The following NRXN3 variants were observed in gnomAD, a reference collection of about 807,000 sequenced individuals.
NRXN3 encodes neurexin 3.
NRXN3 carries 32 observed loss-of-function variants against 137.6 expected under a neutral mutation model. That is an observed-to-expected ratio of 0.23 (90% CI 0.18 to 0.31). The LOEUF (loss-of-function observed/expected upper bound fraction) is 0.31, where lower values mean the gene tolerates loss of function less well. Among genes scored for constraint, NRXN3 ranks in the 10% least tolerant of loss-of-function variants. NRXN3 has a pLI of 1.00. For synonymous variants in NRXN3, 798 were observed against 784.5 expected (o/e 1.02, Z -0.29); for missense variants, 1,574 against 2,062.5 (o/e 0.76, Z 4.59).
At chr14:78,413,340 C>T (rs2092941939) in intron 4 of NRXN3, among the ~76,000 whole-genome samples, 1 of 152,180 alleles carries the variant, frequency 6.6e-6, no homozygotes, top group Non-Finnish European at 1.5e-5. Flanking sequence ...GGCTGGAGTG[C>T]AATGGCATAA....
At chr14:78,522,078 G>A (rs917058497) in intron 4 of NRXN3, among the ~76,000 whole-genome samples, 6 of 152,106 alleles carry the variant, frequency 3.9e-5, no homozygotes, top group Admixed American at 3.9e-4. Context: ...TATCTGGCTG[G>A]TATGATTTAG....
At chr14:78,451,520 T>C (rs906675300) in intron 4 of NRXN3, among the ~76,000 whole-genome samples, 1 of 152,240 alleles carries the variant, frequency 6.6e-6, no homozygotes, top group African/African-American at 2.4e-5. Context: ...GGAACCAGGA[T>C]GGCCTAATCC....
intron 20 of NRXN3, among the ~76,000 whole-genome samples, chr14:79,857,481 C>G (rs1411071144): frequency 6.6e-6 from 1 of 152,118 alleles, no homozygotes; most frequent in East Asian, 1.9e-4. Flanking sequence ...CTCGGCCTCC[C>G]AAAGTGCTGG....
At chr14:79,219,072 C>A (rs2069046641) in intron 15 of NRXN3, among the ~76,000 whole-genome samples, 1 of 151,988 alleles carries the variant, frequency 6.6e-6, no homozygotes, top group African/African-American at 2.4e-5. Flanking sequence ...AAAATAAGGT[C>A]TATTTTTTAA....
chr14:78,253,688 A>AAAAACC (rs2069016890), intron 2 of NRXN3, among the ~76,000 whole-genome samples: 1 of 152,148 alleles, frequency 6.6e-6, no homozygotes, highest in Non-Finnish European at 1.5e-5. Flanking sequence ...AAAAAAAGAA[A>AAAAACC]AAAACCAATC....
At chr14:78,525,091 T>G (rs1444462670) in intron 4 of NRXN3, among the ~76,000 whole-genome samples, 1 of 152,232 alleles carries the variant, frequency 6.6e-6, no homozygotes, top group Non-Finnish European at 1.5e-5. Context: ...AGATGTTACA[T>G]GGAAAATTCA....
chr14:79,450,636 A>T (rs916480907), intron 15 of NRXN3, among the ~76,000 whole-genome samples: 1 of 152,058 alleles, frequency 6.6e-6, no homozygotes, highest in African/African-American at 2.4e-5. Flanking sequence ...AGGTGGGAGG[A>T]TCTCTTGAGG....
chr14:79,513,767 C>T (rs954052354), intron 16 of NRXN3, among the ~76,000 whole-genome samples: 75 of 152,314 alleles, frequency 4.9e-4, no homozygotes, highest in African/African-American at 1.7e-3. Flanking sequence ...ATGGCACTAA[C>T]GACTCTGCTG....
intron 15 of NRXN3, 61 bp from the exon 16 acceptor site, chr14:79,467,160 G>A (rs2096438451): frequency 2.7e-6 from 4 of 1,500,896 alleles, no homozygotes; most frequent in South Asian, 1.3e-5. Context: ...TCAACAGTGT[G>A]CTACAGCTGG....
intron 15 of NRXN3, among the ~76,000 whole-genome samples, chr14:79,463,419 G>A (rs2096378834): frequency 6.6e-6 from 1 of 151,898 alleles, no homozygotes; most frequent in African/African-American, 2.4e-5. Context: ...ATCACAGTAA[G>A]TAGTTAGCCA....
chr14:78,433,673 C>A (rs1459628333), intron 4 of NRXN3, among the ~76,000 whole-genome samples: 1 of 152,146 alleles, frequency 6.6e-6, no homozygotes, highest in African/African-American at 2.4e-5. Context: ...TCTCTTCTAT[C>A]TTCCACTATG....
chr14:78,986,569 T>C (rs975062167), intron 14 of NRXN3, among the ~76,000 whole-genome samples: 1 of 152,182 alleles, frequency 6.6e-6, no homozygotes, highest in African/African-American at 2.4e-5. Flanking sequence ...TTGTAAGTTA[T>C]ATACATGTAC....
chr14:79,409,552 T>G (rs2095376433), intron 15 of NRXN3, among the ~76,000 whole-genome samples: 1 of 148,404 alleles, frequency 6.7e-6, no homozygotes, highest in Non-Finnish European at 1.5e-5. Context: ...TGTCCTGAGC[T>G]CCTGTTGTTT....
chr14:78,732,323 G>A (rs572889599), intron 8 of NRXN3, among the ~76,000 whole-genome samples: 1 of 152,136 alleles, frequency 6.6e-6, no homozygotes, highest in Non-Finnish European at 1.5e-5. Flanking sequence ...AAGGCTGTGG[G>A]TATATAATTC....
intron 15 of NRXN3, among the ~76,000 whole-genome samples, chr14:79,435,930 G>A (rs1600253052): frequency 1.3e-5 from 2 of 152,012 alleles, no homozygotes; most frequent in South Asian, 4.2e-4. Flanking sequence ...CACCACACTT[G>A]GCAAATATTT....
chr14:78,710,876 TG>T (rs1222676191), intron 7 of NRXN3, among the ~76,000 whole-genome samples: 1 of 152,258 alleles, frequency 6.6e-6, no homozygotes, highest in East Asian at 1.9e-4. Context: ...CTTTACTGGT[TG>T]TCTGAAATCT....
chr14:79,513,008 A>G (rs891406412), intron 16 of NRXN3, among the ~76,000 whole-genome samples: 2 of 152,256 alleles, frequency 1.3e-5, no homozygotes, highest in Admixed American at 6.5e-5. Context: ...ATTTGCAGAT[A>G]GATTATTAAC....
At chr14:79,549,129 T>A (rs1033070509) in intron 16 of NRXN3, among the ~76,000 whole-genome samples, 2 of 152,148 alleles carry the variant, frequency 1.3e-5, no homozygotes, top group Admixed American at 6.5e-5. Context: ...TTTTTGCTAA[T>A]CATGGGTCAT....
At chr14:79,581,289 A>G (rs1298115126) in intron 16 of NRXN3, among the ~76,000 whole-genome samples, 3 of 151,578 alleles carry the variant, frequency 2.0e-5, no homozygotes, top group Admixed American at 2.0e-4. Flanking sequence ...TTCTCTCAAC[A>G]CTCATCTCCA....
Sources: allele counts gnomAD v4.1 joint callset (sites outside exome capture counted in the v4.1 genomes callset), GRCh38; gene constraint gnomAD v4.1.1; transcripts MANE v1.5; gene names NCBI Gene and HGNC (gene_info 2026-07-23, HGNC 2026-07-21).